Variants in ITPRID1 observed in about 807,000 individuals in gnomAD.
ITPRID1 encodes ITPR interacting domain containing 1.
In ITPRID1, 96 loss-of-function variants were observed where a neutral mutation model predicts 95.4. The observed-to-expected ratio is 1.01, with a 90% CI of 0.85 to 1.19. The LOEUF (loss-of-function observed/expected upper bound fraction) is 1.19, where lower values mean the gene tolerates loss of function less well. Among genes scored for constraint, ITPRID1 ranks in the 50% most tolerant of loss-of-function variants. The probability of loss-of-function intolerance (pLI) is 0.00; values close to 1 mark genes in which losing one functional copy is unlikely to be tolerated. For synonymous variants in ITPRID1, 510 were observed against 453.6 expected (o/e 1.12, Z -1.58); for missense variants, 1,339 against 1,252.9 (o/e 1.07, Z -1.04).
At chr7:31,521,695 TTCCCTCCC>T (rs1202958088) in intron 1 of ITPRID1, among the ~76,000 whole-genome samples, 1 of 102,466 alleles carries the variant, frequency 9.8e-6, no homozygotes, top group Admixed American at 1.1e-4. Flanking sequence ...TCCTCCTTTA[TTCCCTCCC>T]TCCCTCCCTT....
intron 10 of ITPRID1, among the ~76,000 whole-genome samples, chr7:31,620,791 A>T (rs113240349): frequency 1.2e-4 from 19 of 152,190 alleles, no homozygotes; most frequent in Admixed American, 1.2e-3. Flanking sequence ...AGAAGAAGAC[A>T]TCAGACGATC....
At chr7:31,616,814 A>T (rs1235737489) in intron 10 of ITPRID1, among the ~76,000 whole-genome samples, 1 of 152,210 alleles carries the variant, frequency 6.6e-6, no homozygotes, top group African/African-American at 2.4e-5. Context: ...GCATAAAAAC[A>T]TTAGATTGTG....
At chr7:31,606,388 A>G (rs1419276743) in intron 10 of ITPRID1, among the ~76,000 whole-genome samples, 1 of 152,186 alleles carries the variant, frequency 6.6e-6, no homozygotes, top group Non-Finnish European at 1.5e-5. Flanking sequence ...ATTTATATCT[A>G]TGATAAAAAG....
intron 1 of ITPRID1, among the ~76,000 whole-genome samples, chr7:31,520,548 TGTGTGTGTGTGTGTGTGAGAGAGA>T (rs1358829277): frequency 8.1e-4 from 63 of 78,184 alleles, no homozygotes; most frequent in African/African-American, 3.3e-3. Context: ...TGTGTGTGTG[TGTGTGTGTGTGTGTGTGAGAGAGA>T]GAGAGAGAGT....
chr7:31,572,039 A>G (rs1046291894), intron 6 of ITPRID1, 63 bp from the exon 7 acceptor site: 10 of 1,057,166 alleles, frequency 9.5e-6, no homozygotes, highest in Non-Finnish European at 1.4e-5. Context: ...AAAGATTCAC[A>G]ATGACCTCCC....
Position 31,591,565 on chromosome 7 carries a change from A to C in ITPRID1, c.1228+8374A>C, listed in dbSNP as rs1179462190. ...GTGAAGAAAAACTGGTGAAAAGTGT[A>C]GGGACTTTCTTCCAAAGAGAAAAAT... On this transcript the variant is annotated intron_variant, in intron 10 of 14. Transcript: ENST00000615280. Among the ~76,000 whole-genome samples, 3 of 152,216 alleles carry C rather than the reference A, an allele frequency of 2.0e-5. No homozygotes were observed. The East Asian group carries it at 5.8e-4, about 29-fold the overall frequency.
intron 8 of ITPRID1, among the ~76,000 whole-genome samples, chr7:31,577,175 C>T (rs1166154815): frequency 6.6e-6 from 1 of 152,198 alleles, no homozygotes; most frequent in Non-Finnish European, 1.5e-5. Flanking sequence ...CGTTTATAAT[C>T]ATTATTTTAA....
chr7:31,631,305 C>G (rs1301428032), intron 10 of ITPRID1, among the ~76,000 whole-genome samples: 1 of 152,058 alleles, frequency 6.6e-6, no homozygotes, highest in Non-Finnish European at 1.5e-5. Flanking sequence ...CACACAGACA[C>G]ACAAATCATA....
intron 9 of ITPRID1, among the ~76,000 whole-genome samples, chr7:31,578,676 G>T (rs762193277): frequency 2.0e-5 from 3 of 152,032 alleles, no homozygotes; most frequent in Non-Finnish European, 4.4e-5. Context: ...TTGAATCCGT[G>T]GGTCATTTCT....
At chr7:31,518,866 A>G (rs1469484666) in intron 1 of ITPRID1, among the ~76,000 whole-genome samples, 1 of 152,232 alleles carries the variant, frequency 6.6e-6, no homozygotes, top group Non-Finnish European at 1.5e-5. Flanking sequence ...ATTCCCACAG[A>G]GCAGACATTT....
At chr7:31,569,716 A>G in intron 5 of ITPRID1, 42 bp from the exon 6 acceptor site, 1 of 1,535,554 alleles carries the variant, frequency 6.5e-7, no homozygotes, top group Non-Finnish European at 8.8e-7. Flanking sequence ...TCCGCAAGAT[A>G]AAACGAAATA....
chr7:31,632,477 C>G (rs1199661189), intron 10 of ITPRID1, among the ~76,000 whole-genome samples: 3 of 151,958 alleles, frequency 2.0e-5, no homozygotes. Context: ...TAAAAATTAT[C>G]CATGACAGGA....
chr7:31,622,676 C>A (rs2128180913), intron 10 of ITPRID1, among the ~76,000 whole-genome samples: 1 of 151,808 alleles, frequency 6.6e-6, no homozygotes, highest in Admixed American at 6.6e-5. Context: ...AAATTGACAC[C>A]CTAACATCAC....
intron 1 of ITPRID1, among the ~76,000 whole-genome samples, chr7:31,524,357 T>G (rs899049924): frequency 6.6e-6 from 1 of 152,104 alleles, no homozygotes; most frequent in Non-Finnish European, 1.5e-5. Context: ...CTGCCTGGAG[T>G]GTCTTAGAAA....
At chr7:31,519,646 A>ATATATAT (rs1783178854) in intron 1 of ITPRID1, among the ~76,000 whole-genome samples, 1 of 109,444 alleles carries the variant, frequency 9.1e-6, no homozygotes, top group Non-Finnish European at 1.8e-5. Context: ...ATATATATAT[A>ATATATAT]AATCTTATGT....
chr7:31,651,548 T>C (rs1790951490), intron 13 of ITPRID1, among the ~76,000 whole-genome samples: 1 of 151,978 alleles, frequency 6.6e-6, no homozygotes, highest in Admixed American at 6.6e-5. Context: ...CTCGTGCAAA[T>C]GCAAATGTGG....
At chr7:31,594,744 C>T (rs1450919984) in intron 10 of ITPRID1, among the ~76,000 whole-genome samples, 1 of 151,916 alleles carries the variant, frequency 6.6e-6, no homozygotes, top group Non-Finnish European at 1.5e-5. Flanking sequence ...GTTGTCCCAG[C>T]TACTTGGAAG....
At chr7:31,536,854 A>T (rs1017400350) in intron 1 of ITPRID1, among the ~76,000 whole-genome samples, 1 of 152,160 alleles carries the variant, frequency 6.6e-6, no homozygotes, top group Non-Finnish European at 1.5e-5. Flanking sequence ...CCTGCACCTT[A>T]CAAGTCATTT....
chr7:31,586,006 C>T (rs908498055), intron 10 of ITPRID1, among the ~76,000 whole-genome samples: 2 of 142,550 alleles, frequency 1.4e-5, no homozygotes, highest in African/African-American at 5.3e-5. Flanking sequence ...CATCCCACAA[C>T]AGTCCCCAGA....
Sources: allele counts gnomAD v4.1 joint callset (sites outside exome capture counted in the v4.1 genomes callset), GRCh38; gene constraint gnomAD v4.1.1; transcripts MANE v1.5; gene names NCBI Gene and HGNC (gene_info 2026-07-23, HGNC 2026-07-21).